PCDH15: variants seen among roughly 807,000 people sequenced by gnomAD.
The protein encoded by PCDH15 is protocadherin-15.
PCDH15 carries 129 observed loss-of-function variants against 178.5 expected under a neutral mutation model. The observed-to-expected ratio is 0.72, with a 90% CI of 0.63 to 0.84. The LOEUF is 0.84. Ranked by LOEUF, PCDH15 falls within the 40% of genes least tolerant of loss-of-function variation. The pLI, the probability that PCDH15 is intolerant of heterozygous loss-of-function variation, is 0.00. For missense variants in PCDH15, 2,230 were observed against 2,099.9 expected (o/e 1.06, Z -1.21); for synonymous variants, 800 against 732.0 (o/e 1.09, Z -1.50).
intron 2 of PCDH15, among the ~76,000 whole-genome samples, chr10:55,538,426 CTTCCTTCCTTCCTCCCTTCCTTCCTTCT>C (rs1841642041): frequency 2.8e-5 from 3 of 107,310 alleles, no homozygotes; most frequent in Non-Finnish European, 3.8e-5. Flanking sequence ...CCCTCCCTCC[CTTCCTTCCTTCCTCCCTTCCTTCCTTCT>C]TTCCTTCCTT....
At chr10:54,433,905 T>A (rs2075192457) in intron 3 of PCDH15, among the ~76,000 whole-genome samples, 1 of 152,134 alleles carries the variant, frequency 6.6e-6, no homozygotes, top group Non-Finnish European at 1.5e-5. Context: ...TTTCAGGAGA[T>A]ATTGCACAAG....
intron 17 of PCDH15, among the ~76,000 whole-genome samples, chr10:54,067,751 T>C (rs1309180251): frequency 6.6e-6 from 1 of 152,120 alleles, no homozygotes; most frequent in East Asian, 1.9e-4. Flanking sequence ...TGGTATTAAA[T>C]ATTTAGTAAC....
chr10:55,249,063 G>A (rs564123588), intron 1 of PCDH15, among the ~76,000 whole-genome samples: 6 of 152,240 alleles, frequency 3.9e-5, no homozygotes, highest in Non-Finnish European at 7.4e-5. Flanking sequence ...TAAAAAGACA[G>A]ACTCATTTGG....
intron 20 of PCDH15, among the ~76,000 whole-genome samples, chr10:54,002,144 A>G (rs1412717627): frequency 2.0e-5 from 3 of 151,424 alleles, no homozygotes; most frequent in Admixed American, 2.0e-4. Flanking sequence ...ATATATATAC[A>G]CATACACACA....
At chr10:54,771,116 G>A (rs1247325825) in intron 1 of PCDH15, among the ~76,000 whole-genome samples, 5 of 151,992 alleles carry the variant, frequency 3.3e-5, no homozygotes, top group Non-Finnish European at 7.4e-5. Context: ...AACCAGATAG[G>A]TACTTTGAAT....
At chr10:54,048,225 C>A (rs761358111) in intron 18 of PCDH15, among the ~76,000 whole-genome samples, 1 of 152,016 alleles carries the variant, frequency 6.6e-6, no homozygotes, top group Admixed American at 6.6e-5. Context: ...CTGCTCATAT[C>A]TTTTGCCAAA....
At chr10:55,066,082 A>C (rs887002879) in intron 2 of PCDH15, among the ~76,000 whole-genome samples, 4 of 151,684 alleles carry the variant, frequency 2.6e-5, no homozygotes, top group Non-Finnish European at 5.9e-5. Context: ...TTTTTGCTTT[A>C]TTTATATGCT....
At chr10:54,242,161 T>C (rs865877465) in intron 8 of PCDH15, among the ~76,000 whole-genome samples, 22 of 102,602 alleles carry the variant, frequency 2.1e-4, no homozygotes, top group African/African-American at 7.5e-4. Flanking sequence ...TATATATATA[T>C]ATATATATAT....
At chr10:54,565,718 G>T (rs142072421) in intron 2 of PCDH15, among the ~76,000 whole-genome samples, 1 of 152,110 alleles carries the variant, frequency 6.6e-6, no homozygotes, top group Non-Finnish European at 1.5e-5. Flanking sequence ...TTAATTTCTC[G>T]TGTTTTCTTT....
chr10:54,942,127 C>A (rs1176636563), intron 2 of PCDH15, among the ~76,000 whole-genome samples: 1 of 152,070 alleles, frequency 6.6e-6, no homozygotes, highest in Admixed American at 6.6e-5. Context: ...TCTGACTGTG[C>A]TCTTCGGTCT....
chr10:55,050,593 C>T (rs1288660964), intron 2 of PCDH15, among the ~76,000 whole-genome samples: 2 of 152,012 alleles, frequency 1.3e-5, no homozygotes, highest in Non-Finnish European at 2.9e-5. Context: ...AAGCAAAACG[C>T]TGTCCTATGA....
intron 3 of PCDH15, among the ~76,000 whole-genome samples, chr10:54,890,142 T>C (rs1288550567): frequency 1.3e-5 from 2 of 152,054 alleles, no homozygotes; most frequent in South Asian, 2.1e-4. Flanking sequence ...TTAATGAACT[T>C]AGATGATATG....
chr10:54,519,904 G>T (rs543340803), intron 3 of PCDH15, among the ~76,000 whole-genome samples: 16 of 152,026 alleles, frequency 1.1e-4, no homozygotes, highest in African/African-American at 1.4e-4. Flanking sequence ...TCAGAAATAA[G>T]GCCGCATATC....
In PCDH15 at chr10:54,487,920, G is replaced by T. The variant is rs142936035; in HGVS notation, c.157+39892C>A. On this transcript the variant is annotated intron_variant, in intron 3 of 37. Transcript: ENST00000644397. ...ACAAAACTGTTTTCTTATGCAAAAT[G>T]CTGATAAGCATTTTTTCTAAAATAA... Among the ~76,000 whole-genome samples, 158 of 151,966 alleles carry T rather than the reference G, an allele frequency of 1.0e-3. No homozygotes were observed. The East Asian group carries it at 0.023, about 22-fold the overall frequency.
chr10:54,226,026 GAA>G (rs951855840), intron 9 of PCDH15, among the ~76,000 whole-genome samples: 27 of 152,278 alleles, frequency 1.8e-4, no homozygotes, highest in Admixed American at 4.6e-4. Context: ...CAGTGAGAAA[GAA>G]AGAGAGAGAG....
chr10:54,939,726 A>C (rs1045546361), intron 2 of PCDH15, among the ~76,000 whole-genome samples: 1 of 152,134 alleles, frequency 6.6e-6, no homozygotes, highest in Non-Finnish European at 1.5e-5. Flanking sequence ...GTGAAGTCCA[A>C]GATTAAGGCA....
rs376625830 is a variant in PCDH15 at position 55,517,079 on chromosome 10, A to T, written c.-156+110546T>A. Among the ~76,000 whole-genome samples, 5 of 152,208 alleles carry T rather than the reference A, an allele frequency of 3.3e-5. No homozygotes were observed. In the South Asian group the frequency reaches 1.0e-3, roughly 32 times the overall value. On this transcript the variant is annotated intron_variant, in intron 2 of 5. Coordinates refer to the PCDH15 transcript ENST00000613346. ...AAATTAACTCACTAAAGAACTACTA[A>T]GGGTATTTGAAAAAGATAAAGAATA... is the stretch of plus-strand genomic sequence containing the variant.
intron 13 of PCDH15, among the ~76,000 whole-genome samples, chr10:54,156,203 C>A (rs1311623399): frequency 6.6e-6 from 1 of 151,930 alleles, no homozygotes; most frequent in Non-Finnish European, 1.5e-5. Context: ...TAGTTCTATT[C>A]AGGAACTTTA....
chr10:54,227,671 T>A (rs1222001215), intron 9 of PCDH15, among the ~76,000 whole-genome samples: 1 of 152,216 alleles, frequency 6.6e-6, no homozygotes, highest in Non-Finnish European at 1.5e-5. Flanking sequence ...TCTATCAAAT[T>A]ATCAGGCTGT....
Sources: gnomAD v4.1 joint callset for allele counts (sites outside exome capture counted in the v4.1 genomes callset) on GRCh38, gnomAD v4.1.1 for gene constraint, MANE v1.5 for transcripts, NCBI Gene and HGNC (gene_info 2026-07-23, HGNC 2026-07-21) for gene names.